The following CACNA1D variants were observed in gnomAD, a reference collection of about 807,000 sequenced individuals.
The protein encoded by CACNA1D is voltage-dependent L-type calcium channel subunit alpha-1D.
In CACNA1D, 55 loss-of-function variants were observed where a neutral mutation model predicts 257.1. The ratio of observed to expected loss-of-function variants is 0.21; its 90% CI spans 0.17 to 0.27. CACNA1D has a LOEUF of 0.27. Ranked by LOEUF, CACNA1D falls within the 10% of genes least tolerant of loss-of-function variation. The probability of loss-of-function intolerance (pLI) is 1.00; values close to 1 mark genes in which losing one functional copy is unlikely to be tolerated. For missense variants in CACNA1D, 1,876 were observed against 2,784.0 expected (o/e 0.67, Z 7.34); for synonymous variants, 980 against 1,014.9 (o/e 0.97, Z 0.65).
chr3:53,688,989 G>T (rs1336775418), intron 8 of CACNA1D, among the ~76,000 whole-genome samples: 1 of 152,134 alleles, frequency 6.6e-6, no homozygotes, highest in African/African-American at 2.4e-5. Flanking sequence ...CACATGCCAA[G>T]AATTCCAGGG....
At chr3:53,566,424 A>G (rs1330234347) in intron 3 of CACNA1D, among the ~76,000 whole-genome samples, 3 of 151,976 alleles carry the variant, frequency 2.0e-5, no homozygotes, top group Non-Finnish European at 1.5e-5. Context: ...CTCGAATGTC[A>G]TCTTCTCAGA....
intron 29 of CACNA1D, 71 bp from the exon 30 acceptor site, chr3:53,761,927 C>A: frequency 9.2e-7 from 1 of 1,084,404 alleles, no homozygotes; most frequent in Non-Finnish European, 1.4e-6. Context: ...CTCGGATTCG[C>A]CCCTATACGG....
chr3:53,719,446 G>C (rs922157095), intron 10 of CACNA1D, among the ~76,000 whole-genome samples: 1 of 152,160 alleles, frequency 6.6e-6, no homozygotes, highest in African/African-American at 2.4e-5. Context: ...TGCTGCTGTC[G>C]AGATGAGTGG....
At chr3:53,669,497 T>C (rs890939455) in intron 7 of CACNA1D, among the ~76,000 whole-genome samples, 2 of 152,268 alleles carry the variant, frequency 1.3e-5, no homozygotes, top group Admixed American at 1.3e-4. Context: ...CTGAATCCTT[T>C]AGGCACTTAC....
Position 53,723,891 on chromosome 3 carries a change from T to C in CACNA1D, c.1992T>C (p.Phe664=). Reference sequence around the variant, plus strand: ...TGCTTTTTCTCTTCATTATCATCTTTTCCTTGCTTGGGATGCAGCTGTTTG... The same window carrying C: ...TGCTTTTTCTCTTCATTATCATCTTCTCCTTGCTTGGGATGCAGCTGTTTG... ...LLLLFLFIII[F]SLLGMQLFGG... The change falls in exon 14 of 48, where the codon TTT becomes TTC. Residue 664 remains phenylalanine, a synonymous_variant. Coordinates refer to ENST00000350061, the MANE Select transcript of CACNA1D (RefSeq NM_001128840.3). This position sits in a 1 kb window ranked among gnomAD's most constrained non-coding sequence, Gnocchi z 5.6. 6.2e-7 allele frequency: 1 copy of C among 1,614,202 alleles called. No individual in the cohort carries two copies. Among genetic ancestry groups the C allele is most frequent in the Non-Finnish European group, 8.5e-7 (1 of 1,180,030 alleles).
At chr3:53,651,861 A>G (rs1239185241) in intron 4 of CACNA1D, among the ~76,000 whole-genome samples, 3 of 152,172 alleles carry the variant, frequency 2.0e-5, no homozygotes, top group Non-Finnish European at 2.9e-5. Flanking sequence ...TCCTTTTATC[A>G]TGAATCTTTT....
At chr3:53,560,193 G>A (rs2092714054) in intron 3 of CACNA1D, among the ~76,000 whole-genome samples, 1 of 152,000 alleles carries the variant, frequency 6.6e-6, no homozygotes, top group South Asian at 2.1e-4. Context: ...TACTGGAGGG[G>A]GAAAACAGTG....
Position 53,684,621 on chromosome 3 carries a change from C to CAAA in CACNA1D, c.1220+11516_1220+11518dup, listed in dbSNP as rs60026644. On this transcript the variant is annotated intron_variant, in intron 8 of 47. Coordinates refer to ENST00000350061, the MANE Select transcript of CACNA1D (RefSeq NM_001128840.3). Reference sequence around the variant, plus strand: ...CTGGGCAACAAGAGTGAAACTCTGTCAAAAAAAAAAAAAAAAAAAAAAAGC... The same window carrying CAAA: ...CTGGGCAACAAGAGTGAAACTCTGTCAAAAAAAAAAAAAAAAAAAAAAAAAAGC... 3.2e-3 allele frequency among the ~76,000 whole-genome samples: 267 copies of CAAA among 84,394 alleles called. 4 individuals are homozygous for CAAA. The highest frequency in any genetic ancestry group is 0.021 in the East Asian group (76 of 3,634). 55.4% of individuals were successfully genotyped at this position (84,394 alleles called of 152,430 possible). A position where few individuals can be genotyped will look rare whatever the true frequency, so the allele number is the denominator to read the frequency against.
intron 35 of CACNA1D, 74 bp from the exon 36 acceptor site, chr3:53,776,529 T>G: frequency 6.3e-7 from 1 of 1,581,850 alleles, no homozygotes; most frequent in Non-Finnish European, 8.7e-7. Context: ...GTCCATGTCA[T>G]TAGAAAGCCT....
In CACNA1D at chr3:53,501,825, C is replaced by T; in HGVS notation, c.483+105C>T. ...TGGGTGGTTGAAGTTTATAGCTATG[C>T]ATGTCGTGTTTCTTGGAGCTTTGCA... On this transcript the variant is annotated intron_variant, in intron 3 of 47. Coordinates refer to ENST00000350061, the MANE Select transcript of CACNA1D (RefSeq NM_001128840.3). The T allele has an allele frequency of 1.2e-5, 9 of 725,946 alleles. 1 individual carries two copies. The South Asian group carries it at 1.3e-4, about 11-fold the overall frequency. The allele number at this position is 725,946 out of a possible 1,614,324, so 45.0% of individuals were successfully genotyped here. A position where few individuals can be genotyped will look rare whatever the true frequency, so the allele number is the denominator to read the frequency against.
At chr3:53,650,146 G>T (rs1031847552) in intron 3 of CACNA1D, among the ~76,000 whole-genome samples, 1 of 152,162 alleles carries the variant, frequency 6.6e-6, no homozygotes, top group Non-Finnish European at 1.5e-5. Context: ...CGGGAGAGGC[G>T]GCATGCCAAT....
At chr3:53,577,176 G>C (rs1336986811) in intron 3 of CACNA1D, among the ~76,000 whole-genome samples, 1 of 152,118 alleles carries the variant, frequency 6.6e-6, no homozygotes, top group Non-Finnish European at 1.5e-5. Flanking sequence ...CCCTGGGCTT[G>C]GCTTCCTCAT....
At chr3:53,646,344 A>AG in intron 3 of CACNA1D, among the ~76,000 whole-genome samples, 1 of 152,312 alleles carries the variant, frequency 6.6e-6, no homozygotes, top group South Asian at 2.1e-4. Context: ...TGTTCTAAAA[A>AG]GGGTTTATGG....
intron 3 of CACNA1D, among the ~76,000 whole-genome samples, chr3:53,621,565 A>G (rs1035525784): frequency 5.3e-5 from 8 of 152,250 alleles, no homozygotes; most frequent in African/African-American, 1.9e-4. Context: ...ACTTAGGTAT[A>G]AACAAATGTT....
intron 4 of CACNA1D, among the ~76,000 whole-genome samples, chr3:53,651,831 G>A (rs552472641): frequency 6.6e-6 from 1 of 152,168 alleles, no homozygotes; most frequent in East Asian, 1.9e-4. Context: ...GTTGAGCAAG[G>A]TGATTTTTCT....
intron 30 of CACNA1D, among the ~76,000 whole-genome samples, chr3:53,768,230 A>T (rs953347258): frequency 6.6e-6 from 1 of 152,180 alleles, no homozygotes; most frequent in Admixed American, 6.5e-5. Flanking sequence ...TCCCTGACCA[A>T]CAGGCCCCTT....
At position 53,774,664 on chromosome 3, in the gene CACNA1D, G is replaced by A; in HGVS notation, c.4188G>A (p.Val1396=). Residue 1396 remains valine (V), a synonymous_variant, in exon 34 of 48, where the codon GTG becomes GTA. Transcript: ENST00000350061. This position sits in a 1 kb window ranked among gnomAD's most constrained non-coding sequence, Gnocchi z 4.3. ...NNNFQTFPQA[V]LLLFRCATGE... ...ACTTCCAGACGTTTCCCCAGGCGGT[G>A]CTGCTGCTCTTCAGGTGACTGCAAC... The A allele has an allele frequency of 6.2e-7, 1 of 1,609,840 alleles. No homozygotes were observed. The highest frequency in any genetic ancestry group is 8.5e-7 in the Non-Finnish European group (1 of 1,176,090).
intron 3 of CACNA1D, among the ~76,000 whole-genome samples, chr3:53,513,935 G>A (rs1351543766): frequency 3.3e-5 from 5 of 152,170 alleles, no homozygotes; most frequent in African/African-American, 1.2e-4. Context: ...ATATAACCTA[G>A]GTATGTAGTA....
intron 3 of CACNA1D, among the ~76,000 whole-genome samples, chr3:53,593,650 C>T (rs1283061331): frequency 6.6e-6 from 1 of 152,080 alleles, no homozygotes; most frequent in African/African-American, 2.4e-5. Flanking sequence ...TGAGCAGGTG[C>T]AGGAGAGGTG....
Sources: allele counts gnomAD v4.1 joint callset (sites outside exome capture counted in the v4.1 genomes callset), GRCh38; gene constraint gnomAD v4.1.1; non-coding constraint Gnocchi (gnomAD v3.1); transcripts MANE v1.5; gene names NCBI Gene and HGNC (gene_info 2026-07-23, HGNC 2026-07-21).